Variants in CATSPERT observed in about 807,000 individuals in gnomAD.
CATSPERT encodes the protein catsper channel auxiliary subunit tau.
the CATSPERT span, among the ~76,000 whole-genome samples, chr2:201,531,289 C>T: frequency 6.6e-6 from 1 of 151,864 alleles, no homozygotes; most frequent in Admixed American, 6.6e-5. Flanking sequence ...TAAACTAATT[C>T]AACAGATATT....
At chr2:201,539,361 G>A in the CATSPERT span, among the ~76,000 whole-genome samples, 1 of 151,996 alleles carries the variant, frequency 6.6e-6, no homozygotes, top group Admixed American at 6.6e-5. Context: ...TAGCCATTCT[G>A]ACTGGTGTGA....
chr2:201,493,914 T>G, the CATSPERT span: 5 of 1,537,136 alleles, frequency 3.3e-6, no homozygotes, highest in African/African-American at 6.8e-5. Context: ...ATTGTCCTGG[T>G]CCACTTTCTA....
At chr2:201,523,750 G>C in the CATSPERT span, among the ~76,000 whole-genome samples, 2 of 152,162 alleles carry the variant, frequency 1.3e-5, no homozygotes, top group Admixed American at 1.3e-4. Flanking sequence ...AAGGAATCCA[G>C]TGAAATGAGT....
chr2:201,540,529 C>G, the CATSPERT span, among the ~76,000 whole-genome samples: 26 of 152,184 alleles, frequency 1.7e-4, no homozygotes, highest in African/African-American at 6.3e-4. Flanking sequence ...TCTGCCTGTG[C>G]TCTATAAATG....
chr2:201,569,762 C>T, the CATSPERT span, among the ~76,000 whole-genome samples: 2 of 152,210 alleles, frequency 1.3e-5, no homozygotes, highest in African/African-American at 4.8e-5. Flanking sequence ...AAAACCCTTC[C>T]TCTACATTAA....
the CATSPERT span, among the ~76,000 whole-genome samples, chr2:201,591,436 T>C: frequency 6.6e-6 from 1 of 152,336 alleles, no homozygotes; most frequent in South Asian, 2.1e-4. Context: ...CCAGCTTTGT[T>C]CTTTTGGCTT....
the CATSPERT span, among the ~76,000 whole-genome samples, chr2:201,500,983 A>T: frequency 6.6e-6 from 1 of 152,210 alleles, no homozygotes; most frequent in Non-Finnish European, 1.5e-5. Context: ...AGAAGAAATT[A>T]CAAGAAAAAT....
the CATSPERT span, chr2:201,604,793 G>T: frequency 1.1e-6 from 1 of 876,450 alleles, no homozygotes; most frequent in Non-Finnish European, 1.7e-6. Context: ...TCTAGTAAGT[G>T]TCAGGTCTCC....
chr2:201,528,082 AC>A, the CATSPERT span, among the ~76,000 whole-genome samples: 19 of 134,372 alleles, frequency 1.4e-4, no homozygotes, highest in African/African-American at 4.4e-4. Flanking sequence ...AAAAAAAAAA[AC>A]ATTAAAAAGT....
At chr2:201,572,164 A>C in the CATSPERT span, 1 of 549,876 alleles carries the variant, frequency 1.8e-6, no homozygotes, top group African/African-American at 1.9e-5. Context: ...TAAGGAAATA[A>C]GGAATTAAGA....
chr2:201,561,261 T>C, the CATSPERT span, among the ~76,000 whole-genome samples: 1 of 152,192 alleles, frequency 6.6e-6, no homozygotes, highest in Non-Finnish European at 1.5e-5. Flanking sequence ...TGGAATGCCA[T>C]GAAACAGCAT....
At chr2:201,489,979 C>A in the CATSPERT span, among the ~76,000 whole-genome samples, 2 of 151,780 alleles carry the variant, frequency 1.3e-5, no homozygotes, top group African/African-American at 2.4e-5. Context: ...GCTTCAGTCT[C>A]TCAAGTAGCT....
chr2:201,613,873 T>A, the CATSPERT span, among the ~76,000 whole-genome samples: 1 of 152,164 alleles, frequency 6.6e-6, no homozygotes, highest in Non-Finnish European at 1.5e-5. Context: ...AATGACCTGA[T>A]GGAGCTGAAA....
the CATSPERT span, among the ~76,000 whole-genome samples, chr2:201,558,416 C>T: frequency 2.0e-5 from 3 of 152,254 alleles, no homozygotes; most frequent in Non-Finnish European, 2.9e-5. Flanking sequence ...AGGGACAGCA[C>T]TGGCATGCAG....
the CATSPERT span, chr2:201,554,712 T>G: frequency 3.3e-5 from 5 of 152,186 alleles, no homozygotes; most frequent in Non-Finnish European, 5.9e-5. Context: ...AATCATAACA[T>G]TTACTGCCAC....
At chr2:201,591,887 T>A in the CATSPERT span, among the ~76,000 whole-genome samples, 2 of 151,630 alleles carry the variant, frequency 1.3e-5, no homozygotes, top group Non-Finnish European at 2.9e-5. Context: ...GATTTTGGGC[T>A]GAGACAATGG....
At chr2:201,492,479 T>C in the CATSPERT span, 1 of 1,534,844 alleles carries the variant, frequency 6.5e-7, no homozygotes, top group Non-Finnish European at 8.7e-7. Flanking sequence ...TCAAACCTTC[T>C]ACCAAAACTC....
At chr2:201,539,177 T>A in the CATSPERT span, among the ~76,000 whole-genome samples, 167 of 152,316 alleles carry the variant, frequency 1.1e-3, no homozygotes, top group African/African-American at 3.6e-3. Context: ...TTTGGGTATA[T>A]ACCCAGTAAT....
the CATSPERT span, among the ~76,000 whole-genome samples, chr2:201,610,743 G>A: frequency 2.0e-5 from 3 of 151,798 alleles, no homozygotes; most frequent in Non-Finnish European, 4.4e-5. Context: ...GAATGAAACA[G>A]CATATCAAAA....
Sources: allele counts gnomAD v4.1 joint callset (sites outside exome capture counted in the v4.1 genomes callset), GRCh38; gene constraint gnomAD v4.1.1; transcripts MANE v1.5; gene names NCBI Gene and HGNC (gene_info 2026-07-23, HGNC 2026-07-21).